MBNL1: variants seen among roughly 807,000 people sequenced by gnomAD.
MBNL1 encodes the protein muscleblind-like protein 1.
A neutral mutation model predicts 42.2 loss-of-function variants in MBNL1; 8 were observed. That is an observed-to-expected ratio of 0.19 (90% CI 0.11 to 0.34). The LOEUF (loss-of-function observed/expected upper bound fraction) is 0.34, where lower values mean the gene tolerates loss of function less well. MBNL1 is among the 10% of genes least tolerant of loss of function. The pLI is 1.00. For missense variants in MBNL1, 309 were observed against 495.3 expected, an observed-to-expected ratio of 0.62 and a Z score of 3.57; for synonymous variants, 169 against 173.9, an observed-to-expected ratio of 0.97 and a Z score of 0.22.
chr3:152,430,769 A>C (rs1367539060), intron 3 of MBNL1, among the ~76,000 whole-genome samples: 1 of 152,152 alleles, frequency 6.6e-6, no homozygotes, highest in Non-Finnish European at 1.5e-5. Context: ...CTAGTTTCTG[A>C]CAGCTTGTTG....
At chr3:152,431,803 GTTATAC>G (rs2099010718) in intron 3 of MBNL1, among the ~76,000 whole-genome samples, 1 of 152,148 alleles carries the variant, frequency 6.6e-6, no homozygotes, top group South Asian at 2.1e-4. Flanking sequence ...ATTGTGTTCT[GTTATAC>G]TTTAAATACT....
intron 2 of MBNL1, among the ~76,000 whole-genome samples, chr3:152,305,871 T>C (rs1408855144): frequency 6.6e-6 from 1 of 152,230 alleles, no homozygotes; most frequent in East Asian, 1.9e-4. Context: ...CAAATGCACA[T>C]CTACCTACAG....
intron 2 of MBNL1, among the ~76,000 whole-genome samples, chr3:152,401,603 G>T (rs548735421): frequency 6.6e-6 from 1 of 152,276 alleles, no homozygotes; most frequent in African/African-American, 2.4e-5. Context: ...CCTGCATAAG[G>T]TCATGTAGCT....
chr3:152,285,017 G>T (rs1482744303), intron 1 of MBNL1, among the ~76,000 whole-genome samples: 2 of 152,040 alleles, frequency 1.3e-5, no homozygotes, highest in Non-Finnish European at 1.5e-5. Context: ...TTGTCTCCAG[G>T]TATACATTAT....
intron 3 of MBNL1, among the ~76,000 whole-genome samples, chr3:152,426,368 T>C (rs1420637901): frequency 6.6e-6 from 1 of 152,038 alleles, no homozygotes; most frequent in Non-Finnish European, 1.5e-5. Context: ...TCAAAAATAA[T>C]CAAAAAAATA....
At chr3:152,347,485 C>T (rs2094437146) in intron 2 of MBNL1, among the ~76,000 whole-genome samples, 2 of 152,016 alleles carry the variant, frequency 1.3e-5, no homozygotes, top group African/African-American at 4.8e-5. Flanking sequence ...TCAAATAGGC[C>T]ATTTTCTGCC....
At chr3:152,423,520 A>G (rs1004240079) in intron 3 of MBNL1, among the ~76,000 whole-genome samples, 3 of 152,232 alleles carry the variant, frequency 2.0e-5, no homozygotes, top group African/African-American at 7.2e-5. Context: ...AGGAGCTGGT[A>G]CCATTCTTTC....
intron 1 of MBNL1, among the ~76,000 whole-genome samples, chr3:152,276,273 TGCTAA>T (rs1388572107): frequency 6.6e-6 from 1 of 152,214 alleles, no homozygotes; most frequent in Non-Finnish European, 1.5e-5. Context: ...ACTTTCTGTG[TGCTAA>T]GCTAAGGTTT....
chr3:152,461,731 T>C (rs750719013), intron 9 of MBNL1, among the ~76,000 whole-genome samples: 6 of 152,232 alleles, frequency 3.9e-5, no homozygotes, highest in Non-Finnish European at 7.3e-5. Context: ...TATTCGCTGC[T>C]GAGAACAAAT....
intron 2 of MBNL1, among the ~76,000 whole-genome samples, chr3:152,394,983 C>T (rs984066089): frequency 1.4e-4 from 22 of 152,104 alleles, no homozygotes; most frequent in Admixed American, 6.5e-4. Flanking sequence ...CTCAGCCTCC[C>T]GAGTAGCTGG....
intron 6 of MBNL1, among the ~76,000 whole-genome samples, chr3:152,451,744 T>A (rs1338594098): frequency 6.6e-6 from 1 of 152,254 alleles, no homozygotes; most frequent in Non-Finnish European, 1.5e-5. Flanking sequence ...TCAGATATTT[T>A]GTTCAAAAGA....
intron 2 of MBNL1, among the ~76,000 whole-genome samples, chr3:152,320,322 C>A (rs1252450295): frequency 6.6e-6 from 1 of 152,112 alleles, no homozygotes; most frequent in Non-Finnish European, 1.5e-5. Flanking sequence ...AGGACTCATC[C>A]AGTTAAATTG....
chr3:152,354,778 T>C (rs1173974611), intron 2 of MBNL1, among the ~76,000 whole-genome samples: 1 of 152,176 alleles, frequency 6.6e-6, no homozygotes, highest in Non-Finnish European at 1.5e-5. Flanking sequence ...CAGAGATAAA[T>C]ACTTGTTACT....
At chr3:152,324,221 A>G (rs1053183664) in intron 2 of MBNL1, among the ~76,000 whole-genome samples, 6 of 152,204 alleles carry the variant, frequency 3.9e-5, no homozygotes, top group Non-Finnish European at 1.5e-5. Context: ...AGGAATGTCT[A>G]TGAATTACTT....
chr3:152,298,577 C>T (rs955919919), intron 1 of MBNL1, among the ~76,000 whole-genome samples: 5 of 152,166 alleles, frequency 3.3e-5, no homozygotes, highest in African/African-American at 1.2e-4. Flanking sequence ...CCTTATTTTC[C>T]CCACATGACC....
At chr3:152,254,973 A>G (rs2149444230) in intron 2 of MBNL1, among the ~76,000 whole-genome samples, 1 of 152,282 alleles carries the variant, frequency 6.6e-6, no homozygotes, top group Non-Finnish European at 1.5e-5. Flanking sequence ...GATCTGCATC[A>G]TATTTATATA....
intron 2 of MBNL1, among the ~76,000 whole-genome samples, chr3:152,370,449 T>C (rs1448886412): frequency 6.6e-6 from 1 of 152,190 alleles, no homozygotes; most frequent in East Asian, 1.9e-4. Context: ...AAGTGTGATG[T>C]GGTGCTGAGA....
At chr3:152,266,170 T>C (rs1341044203), upstream of MBNL1, 1 of 152,248 alleles carries the variant, frequency 6.6e-6, no homozygotes, top group African/African-American at 2.4e-5. Context: ...GAGTTATAGA[T>C]TGACCATTGC....
intron 4 of MBNL1, among the ~76,000 whole-genome samples, chr3:152,436,995 G>C (rs924752369): frequency 2.6e-5 from 4 of 152,142 alleles, no homozygotes; most frequent in African/African-American, 9.7e-5. Context: ...TTATCTTTCT[G>C]CTCTGTGCTT....
Sources: allele counts gnomAD v4.1 joint callset (sites outside exome capture counted in the v4.1 genomes callset), GRCh38; gene constraint gnomAD v4.1.1; transcripts MANE v1.5; gene names NCBI Gene and HGNC (gene_info 2026-07-23, HGNC 2026-07-21).